Variants in IGSF3 observed in about 807,000 individuals in gnomAD.
The protein encoded by IGSF3 is glu-Trp-Ile EWI motif-containing protein 3.
A neutral mutation model predicts 114.4 loss-of-function variants in IGSF3; 23 were observed. The ratio of observed to expected loss-of-function variants is 0.20; its 90% CI spans 0.14 to 0.28. IGSF3 has a LOEUF of 0.28. IGSF3 is among the 10% of genes least tolerant of loss of function. IGSF3 has a pLI of 1.00. For synonymous variants in IGSF3, 571 were observed against 645.2 expected (o/e 0.88, Z 1.74); for missense variants, 1,172 against 1,591.5 (o/e 0.74, Z 4.48).
At chr1:116,620,925 G>A (rs1043841650) in intron 2 of IGSF3, among the ~76,000 whole-genome samples, 2 of 152,122 alleles carry the variant, frequency 1.3e-5, no homozygotes, top group Admixed American at 1.3e-4. Flanking sequence ...ATTTCTTATA[G>A]AGACGGGATG....
In IGSF3 at chr1:116,577,307, C is replaced by T. The variant is rs751866372; in HGVS notation, c.*5G>A. The T allele has an allele frequency of 1.2e-5, 19 of 1,613,192 alleles. No homozygotes were observed. The South Asian group carries it at 1.5e-4, about 13-fold the overall frequency. On this transcript the variant is annotated 3_prime_UTR_variant, in exon 11 of 11. Transcript: ENST00000369486. The surrounding 1 kb of genome is among the most constrained non-coding windows in gnomAD (Gnocchi z 5.7). ...GTGGCCAACATCCGCTGGGGCATCA[C>T]CCGCTTAGTCTATGGCCCCTGGATG...
Position 116,582,077 on chromosome 1 carries a change from TTAACA to T in IGSF3, c.2849-2205_2849-2201del, listed in dbSNP as rs1317033570. On this transcript the variant is annotated intron_variant, in intron 9 of 10. Coordinates refer to ENST00000369486, the MANE Select transcript of IGSF3 (RefSeq NM_001007237.3). This position sits in a 1 kb window ranked among gnomAD's most constrained non-coding sequence, Gnocchi z 4.7. The stretch of plus-strand genomic sequence containing the variant: ...CTTTGCTTTCTTGTCTTCTAACCGC[TTAACA>T]TTTTTCTTGGCCCCTTCAAATGCCT... 6.6e-6 allele frequency among the ~76,000 whole-genome samples: 1 copy of T among 152,182 alleles called. No homozygotes were observed. Among genetic ancestry groups the T allele is most frequent in the East Asian group, 1.9e-4 (1 of 5,206 alleles).
Position 116,613,831 on chromosome 1 carries a change from C to T in IGSF3, c.766G>A (p.Asp256Asn), listed in dbSNP as rs986428606. Residue 256 changes from aspartate to asparagine, a missense_variant, in exon 4 of 11, where the codon GAT becomes AAT. By Grantham distance (23) the Asp-to-Asn change is conservative. Around this residue, in one of 3 missense-constraint regions of IGSF3, gnomAD observed 736 missense variants for 1,042.0 expected, o/e 0.71. Coordinates refer to ENST00000369486, the MANE Select transcript of IGSF3 (RefSeq NM_001007237.3). ...CEAAEWIQDPDGSWYAMTRKR... is the reference protein window; with the variant it reads ...CEAAEWIQDPNGSWYAMTRKR... ...CGGGTCATAGCATACCACGACCCAT[C>T]CGGATCCTGGATCCACTCGGCGGCC... The T allele has an allele frequency of 6.2e-7, 1 of 1,613,866 alleles. No individual in the cohort carries two copies. Among genetic ancestry groups the T allele is most frequent in the African/African-American group, 1.3e-5 (1 of 74,936 alleles).
At position 116,589,775 on chromosome 1, in the gene IGSF3, CA is replaced by C. The variant is rs1200423656; in HGVS notation, c.2030-672del. On this transcript the variant is annotated intron_variant, in intron 7 of 10. Coordinates refer to ENST00000369486, the MANE Select transcript of IGSF3 (RefSeq NM_001007237.3). The surrounding 1 kb of genome is among the most constrained non-coding windows in gnomAD (Gnocchi z 5.7). ...TCCTAGATGGTGAGCTCCCCCAGGG[CA>C]GGGATCAAACTCCTTCCACTCAATC... is the stretch of plus-strand genomic sequence containing the variant. Among the ~76,000 whole-genome samples the C allele has an allele frequency of 6.6e-6, 1 of 152,172 alleles. No homozygotes were observed. The highest frequency in any genetic ancestry group is 2.4e-5 in the African/African-American group (1 of 41,430).
Position 116,577,835 on chromosome 1 carries a change from A to C in IGSF3, c.3335-273T>G, listed in dbSNP as rs1659418567. Among the ~76,000 whole-genome samples, 1 of 152,202 alleles carries C rather than the reference A, an allele frequency of 6.6e-6. No individual in the cohort carries two copies. Among genetic ancestry groups the C allele is most frequent in the Non-Finnish European group, 1.5e-5 (1 of 68,034 alleles). On this transcript the variant is annotated intron_variant, in intron 10 of 10. Transcript: ENST00000369486. The surrounding 1 kb of genome is among the most constrained non-coding windows in gnomAD (Gnocchi z 5.7). ...TTGCTGCTTGGAAAGCCACATAATG[A>C]AACATAATTTATTGATTGTGAACTC... is the stretch of plus-strand genomic sequence containing the variant.
At chr1:116,599,080 C>T (rs1300775246) in intron 7 of IGSF3, among the ~76,000 whole-genome samples, 2 of 152,130 alleles carry the variant, frequency 1.3e-5, no homozygotes, top group South Asian at 2.1e-4. Context: ...GGGTTCAAAT[C>T]CTGGCTCCAC....
intron 10 of IGSF3, among the ~76,000 whole-genome samples, chr1:116,578,419 G>A (rs1205697581): frequency 6.6e-6 from 1 of 152,202 alleles, no homozygotes; most frequent in East Asian, 1.9e-4. Flanking sequence ...AATAGCTGTT[G>A]CTCATCAGTA....
At chr1:116,621,073 C>T (rs1661401286) in intron 2 of IGSF3, among the ~76,000 whole-genome samples, 1 of 152,164 alleles carries the variant, frequency 6.6e-6, no homozygotes, top group Non-Finnish European at 1.5e-5. Context: ...CCTTTTGGTG[C>T]TGTGCTTGTT....
At position 116,594,317 on chromosome 1, in the gene IGSF3, A is replaced by G. The variant is rs2336430; in HGVS notation, c.2030-5213T>C. ...CTTTCTTTATCCCACAACTAGGACA[A>G]TATAGCAAATTTTAAAGATATGATT... On this transcript the variant is annotated intron_variant, in intron 7 of 10. Transcript: ENST00000369486. The surrounding 1 kb of genome is among the most constrained non-coding windows in gnomAD (Gnocchi z 5.2). Among the ~76,000 whole-genome samples, 3,917 of 152,344 alleles carry G rather than the reference A, an allele frequency of 0.026. 165 individuals are homozygous for G. Among genetic ancestry groups the G allele is most frequent in the African/African-American group, 0.089 (3,711 of 41,566 alleles).
At chr1:116,646,711 C>T (rs1648390421) in intron 2 of IGSF3, among the ~76,000 whole-genome samples, 2 of 152,280 alleles carry the variant, frequency 1.3e-5, no homozygotes, top group African/African-American at 2.4e-5. Context: ...AAGCCGGGGT[C>T]CCTCAGGTCT....
chr1:116,597,780 A>T (rs1345496220), intron 7 of IGSF3, among the ~76,000 whole-genome samples: 1 of 152,250 alleles, frequency 6.6e-6, no homozygotes, highest in African/African-American at 2.4e-5. Context: ...TATGGAAGTC[A>T]GAGATACCTG....
intron 2 of IGSF3, among the ~76,000 whole-genome samples, chr1:116,660,748 G>A (rs142872336): frequency 1.3e-5 from 2 of 152,228 alleles, no homozygotes; most frequent in African/African-American, 4.8e-5. Context: ...GGCCACGTAT[G>A]CATTTTAAAA....
chr1:116,613,223 G>A (rs1557871284), intron 4 of IGSF3, among the ~76,000 whole-genome samples: 1 of 152,130 alleles, frequency 6.6e-6, no homozygotes, highest in East Asian at 1.9e-4. Flanking sequence ...ATGTGATAAA[G>A]CATTTTGGAA....
At chr1:116,590,668 G>GAA (rs1273887622) in intron 7 of IGSF3, among the ~76,000 whole-genome samples, 4 of 152,046 alleles carry the variant, frequency 2.6e-5, no homozygotes, top group African/African-American at 9.7e-5. Context: ...TCAACCCCAG[G>GAA]AACTGCATCC....
rs1659497826 is a variant in IGSF3, at chr1:116,579,512, G to T, written c.3214C>A (p.Pro1072Thr). ...CAGGAGTAATTGCCTGTATCTTGGG[G>T]GCTTGCCTGCAGCACTGTGAGCCGG... is the stretch of plus-strand genomic sequence containing the variant. ...LYRLTVLQAS[P>T]QDTGNYSCHV... The change falls in exon 10 of 11, where the codon CCC (proline) becomes ACC (threonine). Residue 1072 changes from proline (P) to threonine (T), a missense_variant. Transcript: ENST00000369486. The surrounding 1 kb of genome is among the most constrained non-coding windows in gnomAD (Gnocchi z 6.4). 3 of 1,614,012 alleles carry T rather than the reference G, an allele frequency of 1.9e-6. No individual in the cohort carries two copies. Among genetic ancestry groups the T allele is most frequent in the Non-Finnish European group, 2.5e-6 (3 of 1,180,042 alleles).
In IGSF3 at chr1:116,594,245, G is replaced by A. The variant is rs2336425; in HGVS notation, c.2030-5141C>T. ...TAGCATAGCTGTCCTGAGCATTTAC[G>A]CACTGAAACTCATTATTTTACTATG... On this transcript the variant is annotated intron_variant, in intron 7 of 10. Coordinates refer to ENST00000369486, the MANE Select transcript of IGSF3 (RefSeq NM_001007237.3). This position sits in a 1 kb window ranked among gnomAD's most constrained non-coding sequence, Gnocchi z 5.2. Among the ~76,000 whole-genome samples, 9 of 152,076 alleles carry A rather than the reference G, an allele frequency of 5.9e-5. No individual in the cohort carries two copies. The highest frequency in any genetic ancestry group is 9.7e-5 in the African/African-American group (4 of 41,410).
intron 9 of IGSF3, among the ~76,000 whole-genome samples, chr1:116,581,317 TGTC>T (rs1293367290): frequency 1.1e-4 from 16 of 146,696 alleles, no homozygotes; most frequent in Admixed American, 1.0e-3. Context: ...TCTGTTTTGC[TGTC>T]TTTTTTTTTT....
At position 116,579,019 on chromosome 1, in the gene IGSF3, T is replaced by A. The variant is rs1216371018; in HGVS notation, c.3334+373A>T. 6.6e-6 allele frequency among the ~76,000 whole-genome samples: 1 copy of A among 152,180 alleles called. No homozygotes were observed. The highest frequency in any genetic ancestry group is 1.5e-5 in the Non-Finnish European group (1 of 68,036). On this transcript the variant is annotated intron_variant, in intron 10 of 10. Transcript: ENST00000369486. The surrounding 1 kb of genome is among the most constrained non-coding windows in gnomAD (Gnocchi z 6.4). Reference sequence around the variant, plus strand: ...TAGTCAGCCTTCATTTTTTTCCCTTTCCCTTGTGAGTCTGAAACGCTTGCT... The same window carrying A: ...TAGTCAGCCTTCATTTTTTTCCCTTACCCTTGTGAGTCTGAAACGCTTGCT...
chr1:116,666,371 C>T lies in IGSF3; in HGVS notation c.-45G>A. The T allele has an allele frequency of 1.3e-6, 2 of 1,586,698 alleles. No individual in the cohort carries two copies. Among genetic ancestry groups the T allele is most frequent in the Non-Finnish European group, 1.7e-6 (2 of 1,154,948 alleles). On this transcript the variant is annotated 5_prime_UTR_variant, in exon 2 of 11. Coordinates refer to ENST00000369486, the MANE Select transcript of IGSF3 (RefSeq NM_001007237.3). ...CACAACACAAGGCGCTTCCTCTTCT[C>T]CCAGCTCCTAATCTCTCATTTCTGG...
Sources: gnomAD v4.1 joint callset for allele counts (sites outside exome capture counted in the v4.1 genomes callset) on GRCh38, gnomAD v4.1.1 for gene constraint, gnomAD v4.1.1 regional missense constraint, Gnocchi (gnomAD v3.1) non-coding constraint, MANE v1.5 for transcripts, NCBI Gene and HGNC (gene_info 2026-07-23, HGNC 2026-07-21) for gene names.